The following STXBP4 variants were observed in gnomAD, a reference collection of about 807,000 sequenced individuals.
STXBP4 encodes syntaxin-binding protein 4.
In STXBP4, 55 loss-of-function variants were observed where a neutral mutation model predicts 76.1. The ratio of observed to expected loss-of-function variants is 0.72; its 90% confidence interval spans 0.58 to 0.91. The LOEUF is 0.91. Among genes scored for constraint, STXBP4 ranks in the 40% least tolerant of loss-of-function variants. STXBP4 has a pLI of 0.00. For missense variants in STXBP4, 618 were observed against 636.9 expected (o/e 0.97, Z 0.32); for synonymous variants, 201 against 220.2 (o/e 0.91, Z 0.77).
chr17:55,053,262 A>G (rs1690125833), intron 12 of STXBP4, among the ~76,000 whole-genome samples: 1 of 152,062 alleles, frequency 6.6e-6, no homozygotes, highest in Admixed American at 6.6e-5. Context: ...AAATATCCTT[A>G]TTCATAGGAA....
intron 14 of STXBP4, 111 bp from the exon 15 acceptor site, chr17:55,078,575 A>G (rs2079217096): frequency 1.5e-6 from 1 of 670,892 alleles, no homozygotes; most frequent in African/African-American, 1.8e-5. Context: ...ACATAATAGA[A>G]GCATCAGTTT....
intron 12 of STXBP4, among the ~76,000 whole-genome samples, chr17:55,049,437 TAAGA>T (rs2078831637): frequency 6.6e-6 from 1 of 151,620 alleles, no homozygotes. Flanking sequence ...AATGGGAGGA[TAAGA>T]AAGAAAAAAG....
intron 12 of STXBP4, among the ~76,000 whole-genome samples, chr17:55,068,261 C>T (rs1567746660): frequency 6.6e-6 from 1 of 152,062 alleles, no homozygotes; most frequent in Non-Finnish European, 1.5e-5. Context: ...TTCTTTAGGG[C>T]TTGGTAGCAT....
intron 11 of STXBP4, 58 bp downstream of exon 11, chr17:55,043,383 A>T (rs990086316): frequency 1.0e-5 from 11 of 1,054,850 alleles, no homozygotes; most frequent in African/African-American, 3.3e-5. Flanking sequence ...AAAGAAAAAA[A>T]TCCTATATTG....
rs750998157 is a variant in STXBP4 at position 55,108,662 on chromosome 17, G to A, written c.1489+27479G>A. On this transcript the variant is annotated intron_variant, in intron 16 of 17. Coordinates refer to ENST00000376352, the MANE Select transcript of STXBP4 (RefSeq NM_178509.6). ...CGTGGCTTTCCTTGGATAGGGGAGG[G>A]AGTTCCCTGACCCCTTGCACTTCCT... is the stretch of plus-strand genomic sequence containing the variant. Among the ~76,000 whole-genome samples, 23 of 152,268 alleles carry A rather than the reference G, an allele frequency of 1.5e-4. 1 individual carries two copies. The highest frequency in any genetic ancestry group is 2.6e-4 in the Non-Finnish European group (18 of 68,014).
chr17:55,195,033 G>A, the STXBP4 span, among the ~76,000 whole-genome samples: 1 of 152,192 alleles, frequency 6.6e-6, no homozygotes, highest in Non-Finnish European at 1.5e-5. Context: ...CCAAGCAAGG[G>A]AGGGATGGTG....
At chr17:55,057,056 C>T (rs1253184494) in intron 12 of STXBP4, among the ~76,000 whole-genome samples, 1 of 152,126 alleles carries the variant, frequency 6.6e-6, no homozygotes, top group East Asian at 1.9e-4. Context: ...TTCAATTTCA[C>T]TATAAACTCT....
At chr17:55,005,030 G>GTCTA (rs1424585190) in intron 7 of STXBP4, among the ~76,000 whole-genome samples, 2 of 152,100 alleles carry the variant, frequency 1.3e-5, no homozygotes, top group Non-Finnish European at 2.9e-5. Context: ...AAAAGTAAAG[G>GTCTA]TCTAAGTTGT....
chr17:55,111,575 A>C (rs2079716643), intron 16 of STXBP4, among the ~76,000 whole-genome samples: 1 of 151,578 alleles, frequency 6.6e-6, no homozygotes, highest in South Asian at 2.1e-4. Flanking sequence ...CTGAGTTCAC[A>C]AGAGATCTGG....
chr17:55,202,231 C>T, the STXBP4 span, among the ~76,000 whole-genome samples: 2 of 152,058 alleles, frequency 1.3e-5, no homozygotes, highest in African/African-American at 2.4e-5. Context: ...CCACAGTCTG[C>T]TCTTATGGTC....
the STXBP4 span, among the ~76,000 whole-genome samples, chr17:55,196,164 A>C: frequency 3.3e-5 from 5 of 152,094 alleles, no homozygotes; most frequent in African/African-American, 7.2e-5. Flanking sequence ...GTCTCAGGAG[A>C]GCTGGTCAGT....
chr17:55,055,932 G>T (rs555796984), intron 12 of STXBP4, among the ~76,000 whole-genome samples: 3 of 152,132 alleles, frequency 2.0e-5, no homozygotes, highest in Non-Finnish European at 4.4e-5. Context: ...TCTTGGATTT[G>T]TTCTCTGATT....
At chr17:55,019,363 A>T (rs1055025819) in intron 8 of STXBP4, among the ~76,000 whole-genome samples, 1 of 152,168 alleles carries the variant, frequency 6.6e-6, no homozygotes, top group African/African-American at 2.4e-5. Context: ...AGATTTTAAC[A>T]TGCACATTTA....
At chr17:54,990,663 C>A (rs992028825) in intron 3 of STXBP4, among the ~76,000 whole-genome samples, 162 bp from the exon 4 acceptor site, 14 of 152,196 alleles carry the variant, frequency 9.2e-5, no homozygotes, top group Admixed American at 2.6e-4. Flanking sequence ...CCCTCTCCCC[C>A]CACCTTGGAA....
At chr17:55,111,374 A>T (rs751511299) in intron 16 of STXBP4, among the ~76,000 whole-genome samples, 6 of 152,324 alleles carry the variant, frequency 3.9e-5, no homozygotes, top group Non-Finnish European at 7.3e-5. Context: ...TTCTTTAAAC[A>T]TGTCAAACTA....
intron 15 of STXBP4, among the ~76,000 whole-genome samples, chr17:55,080,581 G>A (rs919893476): frequency 2.6e-5 from 4 of 151,522 alleles, no homozygotes; most frequent in African/African-American, 7.3e-5. Flanking sequence ...TTTTTGATTC[G>A]AGGCAAAAAA....
chr17:54,991,490 A>G (rs2077715916), intron 4 of STXBP4: 1 of 152,150 alleles, frequency 6.6e-6, no homozygotes, highest in African/African-American at 2.4e-5. Context: ...TAAGAAATAT[A>G]TAATGAGCTC....
chr17:55,037,058 C>T (rs1040917617), intron 10 of STXBP4, among the ~76,000 whole-genome samples: 1 of 152,124 alleles, frequency 6.6e-6, no homozygotes, highest in East Asian at 1.9e-4. Context: ...CAATCACCCA[C>T]AGATCTGGTT....
intron 16 of STXBP4, among the ~76,000 whole-genome samples, chr17:55,138,346 G>C (rs2080058263): frequency 6.6e-6 from 1 of 152,086 alleles, no homozygotes. Context: ...TACATAAATA[G>C]ACTGGGAAAT....
Sources: allele counts gnomAD v4.1 joint callset (sites outside exome capture counted in the v4.1 genomes callset), GRCh38; gene constraint gnomAD v4.1.1; transcripts MANE v1.5; gene names NCBI Gene and HGNC (gene_info 2026-07-23, HGNC 2026-07-21).